SORBS2: variants seen among roughly 807,000 people sequenced by gnomAD.
SORBS2 encodes sorbin and SH3 domain containing 2.
SORBS2 carries 46 observed loss-of-function variants against 97.7 expected under a neutral mutation model. The ratio of observed to expected loss-of-function variants is 0.47; its 90% CI spans 0.37 to 0.60. The LOEUF is 0.60. Among genes scored for constraint, SORBS2 ranks in the 20% least tolerant of loss-of-function variants. The pLI is 0.00. For missense variants in SORBS2, 1,316 were observed against 1,282.3 expected (o/e 1.03, Z -0.40); for synonymous variants, 476 against 473.4 (o/e 1.01, Z -0.07).
At chr4:185,956,250 C>A (rs1367566150) in exon 1 of SORBS2, 2 of 152,288 alleles carry the variant, frequency 1.3e-5, no homozygotes, top group Non-Finnish European at 2.9e-5. Context: ...GGCTGCTGTG[C>A]AGAATGAGTT....
At chr4:185,793,293 C>G (rs1425532101) in intron 1 of SORBS2, among the ~76,000 whole-genome samples, 1 of 152,202 alleles carries the variant, frequency 6.6e-6, no homozygotes, top group East Asian at 1.9e-4. Context: ...TAGGCAGTGG[C>G]AGGATGGCTG....
At chr4:185,759,532 T>C (rs775782491) in intron 2 of SORBS2, among the ~76,000 whole-genome samples, 1 of 151,954 alleles carries the variant, frequency 6.6e-6, no homozygotes. Flanking sequence ...TTCACAAAAA[T>C]CTCATAATAG....
chr4:185,892,847 G>A (rs563888615), intron 1 of SORBS2, among the ~76,000 whole-genome samples: 2 of 152,330 alleles, frequency 1.3e-5, no homozygotes, highest in East Asian at 3.9e-4. Context: ...GGATGGCAGA[G>A]ACGGTAGCCC....
chr4:185,585,552 C>G (rs772489819), exon 15 of SORBS2: 4 of 152,168 alleles, frequency 2.6e-5, no homozygotes, highest in African/African-American at 4.8e-5. Flanking sequence ...TATTAGATGT[C>G]TATTCAAGAA....
Position 185,644,258 on chromosome 4 carries a change from T to G in SORBS2, c.396+2410A>C, listed in dbSNP as rs78730483. The stretch of plus-strand genomic sequence containing the variant: ...TAAGTTCCTTCTACTTATCTTCTCC[T>G]GTGGCTGCAGAGACCTATCCACACT... On this transcript the variant is annotated intron_variant, in intron 4 of 14. Coordinates refer to ENST00000418609, the Ensembl canonical transcript of SORBS2. 9.8e-4 allele frequency among the ~76,000 whole-genome samples: 149 copies of G among 152,282 alleles called. 3 individuals carry two copies. In the East Asian group the frequency reaches 0.026, roughly 26 times the overall value.
chr4:185,652,871 T>C, intron 1 of SORBS2, 143 bp from the exon 10 acceptor site: 1 of 679,202 alleles, frequency 1.5e-6, no homozygotes, highest in East Asian at 2.7e-5. Context: ...TATGGCTTCA[T>C]GACAGTTTCA....
chr4:185,747,818 C>T (rs1241860156), intron 2 of SORBS2, among the ~76,000 whole-genome samples: 1 of 152,110 alleles, frequency 6.6e-6, no homozygotes, highest in African/African-American at 2.4e-5. Context: ...GGTGAAACCC[C>T]GTCTCTACCG....
chr4:185,628,768 A>G (rs567121270), intron 5 of SORBS2, among the ~76,000 whole-genome samples: 3 of 152,368 alleles, frequency 2.0e-5, no homozygotes, highest in African/African-American at 7.2e-5. Context: ...TCAATCAATC[A>G]GTACCAGTAA....
exon 1 of SORBS2, chr4:185,656,924 A>C: frequency 8.3e-7 from 1 of 1,208,742 alleles, no homozygotes; most frequent in South Asian, 2.4e-5. Context: ...TTTCCATGAC[A>C]TTAACTCTCT....
intron 5 of SORBS2, among the ~76,000 whole-genome samples, chr4:185,627,937 G>T (rs73028086): frequency 0.047 from 7,121 of 152,124 alleles, 532 homozygotes; most frequent in African/African-American, 0.16. Flanking sequence ...GCAGAATGTG[G>T]CCTCTCAGGT....
chr4:185,736,208 C>A (rs887447764), intron 2 of SORBS2, among the ~76,000 whole-genome samples: 5 of 152,236 alleles, frequency 3.3e-5, no homozygotes, highest in Non-Finnish European at 7.3e-5. Flanking sequence ...AAGGAGCAAT[C>A]TCAATAAACT....
chr4:185,801,796 A>G (rs1034491219), intron 1 of SORBS2, among the ~76,000 whole-genome samples: 1 of 152,170 alleles, frequency 6.6e-6, no homozygotes, highest in Non-Finnish European at 1.5e-5. Context: ...CAAAAAGTTC[A>G]TCTCAAAGTT....
At chr4:185,870,399 A>C (rs2099229740) in intron 1 of SORBS2, among the ~76,000 whole-genome samples, 1 of 152,212 alleles carries the variant, frequency 6.6e-6, no homozygotes, top group South Asian at 2.1e-4. Flanking sequence ...CAATGCGGGC[A>C]TCCCAACTAC....
intron 1 of SORBS2, among the ~76,000 whole-genome samples, chr4:185,786,222 T>C (rs1420611326): frequency 2.6e-5 from 4 of 152,178 alleles, no homozygotes; most frequent in Non-Finnish European, 5.9e-5. Context: ...AAAATCCCCA[T>C]ATCTGAGCTA....
At chr4:185,898,408 G>A (rs1345029695) in intron 1 of SORBS2, among the ~76,000 whole-genome samples, 1 of 152,150 alleles carries the variant, frequency 6.6e-6, no homozygotes, top group African/African-American at 2.4e-5. Flanking sequence ...ATGTCTGTAA[G>A]GAAGAAAAGA....
At chr4:185,729,459 G>A (rs1340078447) in intron 2 of SORBS2, among the ~76,000 whole-genome samples, 7 of 152,150 alleles carry the variant, frequency 4.6e-5, no homozygotes, top group African/African-American at 7.2e-5. Flanking sequence ...TGCCTGCTTC[G>A]TCCTTATGGA....
upstream of SORBS2, among the ~76,000 whole-genome samples, chr4:185,658,805 A>T (rs1253311176): frequency 1.3e-4 from 20 of 149,516 alleles, no homozygotes; most frequent in Non-Finnish European, 1.5e-5. Flanking sequence ...CTCAGCCTCC[A>T]GAGTAGCTGG....
intron 1 of SORBS2, among the ~76,000 whole-genome samples, chr4:185,865,070 C>T (rs1468676930): frequency 6.6e-6 from 1 of 152,124 alleles, no homozygotes; most frequent in Non-Finnish European, 1.5e-5. Context: ...TTGCTACCTT[C>T]CCAGCTCCCA....
chr4:185,798,352 G>A (rs565641276), intron 1 of SORBS2, among the ~76,000 whole-genome samples: 4 of 152,070 alleles, frequency 2.6e-5, no homozygotes, highest in African/African-American at 9.6e-5. Context: ...CACTAAAATT[G>A]GCCCAATATC....
Sources: gnomAD v4.1 joint callset for allele counts (sites outside exome capture counted in the v4.1 genomes callset) on GRCh38, gnomAD v4.1.1 for gene constraint, MANE v1.5 for transcripts, NCBI Gene and HGNC (gene_info 2026-07-23, HGNC 2026-07-21) for gene names.